DERA: variants seen among roughly 807,000 people sequenced by gnomAD.
DERA encodes 2-deoxy-D-ribose 5-phosphate aldolase.
A neutral mutation model predicts 41.1 loss-of-function variants in DERA; 15 were observed. That is an observed-to-expected ratio of 0.37 (90% CI 0.24 to 0.56). DERA has a LOEUF of 0.56. Ranked by LOEUF, DERA falls within the 20% of genes least tolerant of loss-of-function variation. The pLI is 0.81. For missense variants in DERA, 396 were observed against 403.4 expected (o/e 0.98, Z 0.16); for synonymous variants, 139 against 137.4 (o/e 1.01, Z -0.08).
At chr12:16,007,497 C>T (rs1393763014) in intron 6 of DERA, among the ~76,000 whole-genome samples, 1 of 152,080 alleles carries the variant, frequency 6.6e-6, no homozygotes, top group East Asian at 1.9e-4. Context: ...AGACATTATT[C>T]TTCATTAAAG....
chr12:15,940,563 A>G lies in DERA; in HGVS notation c.32-16373A>G, dbSNP rs536664651. 4.1e-4 allele frequency among the ~76,000 whole-genome samples: 63 copies of G among 152,176 alleles called. No individual in the cohort carries two copies. Among genetic ancestry groups the G allele is most frequent in the Admixed American group, 1.1e-3 (17 of 15,280 alleles). ...AGACAGAGTTTCACCATGTTAGCCA[A>G]GATGGTCTTGATCTCCTGACCTCGT... is the stretch of plus-strand genomic sequence containing the variant. On this transcript the variant is annotated intron_variant, in intron 1 of 8. Coordinates refer to ENST00000428559, the MANE Select transcript of DERA (RefSeq NM_015954.4). The surrounding 1 kb of genome is among the most constrained non-coding windows in gnomAD (Gnocchi z 5.1).
At position 16,017,598 on chromosome 12, in the gene DERA, G is replaced by A. The variant is rs1948991280; in HGVS notation, c.638-14944G>A. On this transcript the variant is annotated intron_variant, in intron 6 of 8. Coordinates refer to ENST00000428559, the MANE Select transcript of DERA (RefSeq NM_015954.4). This position sits in a 1 kb window ranked among gnomAD's most constrained non-coding sequence, Gnocchi z 5.5. The stretch of plus-strand genomic sequence containing the variant: ...TGGCCAGTGCTTCAACCGTAACACT[G>A]CATCTTTATTATATTGCCCTAAGTG... Among the ~76,000 whole-genome samples, 1 of 152,106 alleles carries A rather than the reference G, an allele frequency of 6.6e-6. No individual in the cohort carries two copies.
chr12:15,971,508 C>CTTTTT (rs56142412), intron 5 of DERA, among the ~76,000 whole-genome samples: 15 of 97,034 alleles, frequency 1.5e-4, no homozygotes, highest in African/African-American at 2.1e-4. Flanking sequence ...TATCTCAACT[C>CTTTTT]TTTTTTTTTT....
chr12:15,942,769 C>T (rs1273405628), intron 1 of DERA, among the ~76,000 whole-genome samples: 3 of 152,162 alleles, frequency 2.0e-5, no homozygotes, highest in Non-Finnish European at 2.9e-5. Context: ...ATTCACTGCA[C>T]CGGGCTCTCA....
chr12:15,958,290 C>T lies in DERA; in HGVS notation c.232C>T (p.Pro78Ser), dbSNP rs1343852747. Residue 78 changes from proline to serine, a missense_variant, in exon 3 of 9, where the codon CCA becomes TCA. Physicochemically the swap from Pro to Ser is moderately conservative, Grantham distance 74. Transcript: ENST00000428559. ...IQRLCYKAKY[P>S]IREDLLKALN... ...AAGGCTCTGTTATAAAGCCAAATAC[C>T]CAATCCGGGAAGATCTCTTAAAAGC... 2 of 1,603,264 alleles carry T rather than the reference C, an allele frequency of 1.2e-6. No homozygotes were observed. The highest frequency in any genetic ancestry group is 3.4e-5 in the Admixed American group (2 of 58,362).
chr12:15,927,075 A>G (rs1333068836), intron 1 of DERA, among the ~76,000 whole-genome samples: 3 of 152,248 alleles, frequency 2.0e-5, no homozygotes, highest in African/African-American at 7.2e-5. Flanking sequence ...CTAACACATG[A>G]TACTGATCAA....
At position 15,943,836 on chromosome 12, in the gene DERA, G is replaced by A. The variant is rs1023022906; in HGVS notation, c.32-13100G>A. On this transcript the variant is annotated intron_variant, in intron 1 of 8. Transcript: ENST00000428559. This position sits in a 1 kb window ranked among gnomAD's most constrained non-coding sequence, Gnocchi z 4.5. ...GTTGGTGTGCTGTAGCCATTAACTCGTCATTTACATTACGTATTTCTCCTA... is the reference window on the plus strand; with the variant it reads ...GTTGGTGTGCTGTAGCCATTAACTCATCATTTACATTACGTATTTCTCCTA... Among the ~76,000 whole-genome samples, 4 of 150,992 alleles carry A rather than the reference G, an allele frequency of 2.6e-5. No homozygotes were observed. Among genetic ancestry groups the A allele is most frequent in the Admixed American group, 6.6e-5 (1 of 15,136 alleles).
rs1447226644 is a variant in DERA, at chr12:16,036,396, C to G, written c.900+15C>G. On this transcript the variant is annotated intron_variant, in intron 8 of 8. Transcript: ENST00000428559. The surrounding 1 kb of genome is among the most constrained non-coding windows in gnomAD (Gnocchi z 4.9). ...TTGAGAGGCAGGTGAGTAATCATCT[C>G]TGTCTTTGGAATAAATTAACAAGTG... 1 of 1,574,178 alleles carries G rather than the reference C, an allele frequency of 6.4e-7. No homozygotes were observed. The highest frequency in any genetic ancestry group is 8.6e-7 in the Non-Finnish European group (1 of 1,164,168).
chr12:16,006,218 T>TG (rs1379001657), intron 6 of DERA, among the ~76,000 whole-genome samples: 34 of 152,298 alleles, frequency 2.2e-4, no homozygotes, highest in Non-Finnish European at 4.0e-4. Context: ...TCTCCCCTCT[T>TG]GCTCCCAATG....
intron 1 of DERA, among the ~76,000 whole-genome samples, chr12:15,950,181 A>G (rs1228533048): frequency 6.6e-6 from 1 of 152,228 alleles, no homozygotes; most frequent in African/African-American, 2.4e-5. Context: ...TTATTAAAAA[A>G]GTAAGGGAAT....
intron 1 of DERA, among the ~76,000 whole-genome samples, chr12:15,946,734 G>A (rs1948452614): frequency 6.6e-6 from 1 of 152,012 alleles, no homozygotes; most frequent in Non-Finnish European, 1.5e-5. Context: ...CTTTAGTTCT[G>A]CTCTGATCTC....
Position 16,009,834 on chromosome 12 carries a change from A to G in DERA, c.638-22708A>G, listed in dbSNP as rs935264521. On this transcript the variant is annotated intron_variant, in intron 6 of 8. Transcript: ENST00000428559. This position sits in a 1 kb window ranked among gnomAD's most constrained non-coding sequence, Gnocchi z 5.3. ...ACAGGAAGTATTAAAGATATTAAAT[A>G]TGTATCAAAAATTTAAAATGCAGGT... is the stretch of plus-strand genomic sequence containing the variant. Among the ~76,000 whole-genome samples, 1 of 152,254 alleles carries G rather than the reference A, an allele frequency of 6.6e-6. No individual in the cohort carries two copies. The highest frequency in any genetic ancestry group is 2.4e-5 in the African/African-American group (1 of 41,470).
At position 15,983,817 on chromosome 12, in the gene DERA, C is replaced by T. The variant is rs146626016; in HGVS notation, c.637+1381C>T. Among the ~76,000 whole-genome samples, 21 of 152,254 alleles carry T rather than the reference C, an allele frequency of 1.4e-4. 2 individuals are homozygous for T. The East Asian group carries it at 4.1e-3, about 29-fold the overall frequency. On this transcript the variant is annotated intron_variant, in intron 6 of 8. Coordinates refer to ENST00000428559, the MANE Select transcript of DERA (RefSeq NM_015954.4). This position sits in a 1 kb window ranked among gnomAD's most constrained non-coding sequence, Gnocchi z 6.2. The stretch of plus-strand genomic sequence containing the variant: ...TCAGCAATGGTGCTGTTGCTCTGGG[C>T]ACAACTGCTGTATCTAGAAAATATC...
rs953041833 is a variant in DERA at position 15,912,721 on chromosome 12, G to T, written c.31+1307G>T. ...TTAGGGGCTAATTTTGAGAAAATTG[G>T]CTGTAAATTATATGTAACACATACA... On this transcript the variant is annotated intron_variant, in intron 1 of 8. Coordinates refer to ENST00000428559, the MANE Select transcript of DERA (RefSeq NM_015954.4). 4.6e-5 allele frequency among the ~76,000 whole-genome samples: 7 copies of T among 152,282 alleles called. No individual in the cohort carries two copies. In the South Asian group the frequency reaches 1.0e-3, roughly 23 times the overall value.
Position 15,972,488 on chromosome 12 carries a change from T to C in DERA, c.508+9541T>C, listed in dbSNP as rs2045874. 0.62 allele frequency: 95,469 copies of C among 153,130 alleles called. 30,132 individuals carry two copies. Among genetic ancestry groups the C allele is most frequent in the East Asian group, 0.82 (4,250 of 5,172 alleles). The allele number at this position is 153,130 out of a possible 1,614,324, so 9.5% of individuals were successfully genotyped here. On this transcript the variant is annotated intron_variant, in intron 5 of 8. Transcript: ENST00000428559. The surrounding 1 kb of genome is among the most constrained non-coding windows in gnomAD (Gnocchi z 4.4). ...TTTAATGTGCTCCTGGATGCAGTTG[T>C]CCACCACCTCCTTGCCCAGGAAGTT... is the stretch of plus-strand genomic sequence containing the variant.
intron 1 of DERA, among the ~76,000 whole-genome samples, chr12:15,955,168 C>T (rs573353100): frequency 6.6e-5 from 10 of 152,060 alleles, no homozygotes; most frequent in East Asian, 1.9e-4. Context: ...GGCGTGGTGG[C>T]GCACGCCTGT....
intron 1 of DERA, among the ~76,000 whole-genome samples, chr12:15,944,050 A>T (rs1948428336): frequency 6.6e-6 from 1 of 152,020 alleles, no homozygotes; most frequent in African/African-American, 2.4e-5. Context: ...CCTACAAAGG[A>T]CATGAACTCA....
chr12:15,937,825 G>A (rs1040890339), intron 1 of DERA, among the ~76,000 whole-genome samples: 1 of 152,186 alleles, frequency 6.6e-6, no homozygotes, highest in Non-Finnish European at 1.5e-5. Flanking sequence ...TTATTCTGGT[G>A]TATCAGGGCT....
intron 6 of DERA, among the ~76,000 whole-genome samples, chr12:16,023,214 G>A (rs1292634312): frequency 6.6e-6 from 1 of 152,150 alleles, no homozygotes; most frequent in African/African-American, 2.4e-5. Context: ...AGCTGACAGA[G>A]CTAAAATACA....
Sources: gnomAD v4.1 joint callset for allele counts (sites outside exome capture counted in the v4.1 genomes callset) on GRCh38, gnomAD v4.1.1 for gene constraint, Gnocchi (gnomAD v3.1) non-coding constraint, MANE v1.5 for transcripts, NCBI Gene and HGNC (gene_info 2026-07-23, HGNC 2026-07-21) for gene names.